IL34: variants seen among roughly 807,000 people sequenced by gnomAD.
IL34 encodes interleukin-34.
IL34 carries 17 observed loss-of-function variants against 25.3 expected under a neutral mutation model. The observed-to-expected ratio is 0.67, with a 90% CI of 0.46 to 1.01. The LOEUF (loss-of-function observed/expected upper bound fraction) is 1.01, where lower values mean the gene tolerates loss of function less well. Ranked by LOEUF, IL34 falls within the 50% of genes least tolerant of loss-of-function variation. The probability of loss-of-function intolerance (pLI) is 0.00; values close to 1 mark genes in which losing one functional copy is unlikely to be tolerated. For synonymous variants in IL34, 174 were observed against 140.9 expected (o/e 1.23, Z -1.66); for missense variants, 368 against 312.9 (o/e 1.18, Z -1.33).
Position 70,660,289 on chromosome 16 carries a change from G to C in IL34, c.*102G>C. 9.1e-7 allele frequency: 1 copy of C among 1,097,270 alleles called. No individual in the cohort carries two copies. Among genetic ancestry groups the C allele is most frequent in the Non-Finnish European group, 1.3e-6 (1 of 789,044 alleles). 68.0% of individuals were successfully genotyped at this position (1,097,270 alleles called of 1,614,324 possible). ...GGGGTGGTGGTGGGAGCCCCCCTTG[G>C]GAGAGGACCCCTGGGAAGGGTGTTT... On this transcript the variant is annotated 3_prime_UTR_variant, in exon 6 of 6. Coordinates refer to ENST00000288098, the MANE Select transcript of IL34 (RefSeq NM_001393494.1).
upstream of IL34, among the ~76,000 whole-genome samples, chr16:70,642,268 CAG>C (rs954764865): frequency 3.8e-4 from 57 of 148,188 alleles, no homozygotes; most frequent in Non-Finnish European, 6.4e-4. Flanking sequence ...AAGACAGAGA[CAG>C]AGAGAGTGAG....
At chr16:70,658,252 C>G (rs771879515) in intron 4 of IL34, among the ~76,000 whole-genome samples, 2 of 152,224 alleles carry the variant, frequency 1.3e-5, no homozygotes, top group Non-Finnish European at 2.9e-5. Flanking sequence ...TGGAACCAGA[C>G]TGGTGGGGAG....
At chr16:70,641,007 C>G (rs935652247) in intron 1 of IL34, among the ~76,000 whole-genome samples, 1 of 152,070 alleles carries the variant, frequency 6.6e-6, no homozygotes, top group African/African-American at 2.4e-5. Flanking sequence ...CGTGGTGGCT[C>G]ACACCTGTAA....
chr16:70,654,682 G>A lies in IL34; in HGVS notation c.162+11G>A. Reference sequence around the variant, plus strand: ...CGACTTCAGTACATGGTAACCACGTGGGCACCAGCTGTGTCCCTGTCCCCG... The same window carrying A: ...CGACTTCAGTACATGGTAACCACGTAGGCACCAGCTGTGTCCCTGTCCCCG... On this transcript the variant is annotated intron_variant, in intron 2 of 5. Coordinates refer to ENST00000288098, the MANE Select transcript of IL34 (RefSeq NM_001393494.1). 1 of 1,596,614 alleles carries A rather than the reference G, an allele frequency of 6.3e-7. No individual in the cohort carries two copies. Among genetic ancestry groups the A allele is most frequent in the Non-Finnish European group, 8.6e-7 (1 of 1,166,940 alleles).
At position 70,660,245 on chromosome 16, in the gene IL34, A is replaced by T; in HGVS notation, c.*58A>T. ...CCAGACCAGCTCCCACAGGAGTTCA[A>T]CTGGGTCTGAGACTTCAAGGGGTGG... On this transcript the variant is annotated 3_prime_UTR_variant, in exon 6 of 6. Transcript: ENST00000288098. The T allele has an allele frequency of 2.7e-6, 4 of 1,455,446 alleles. No individual in the cohort carries two copies. Among genetic ancestry groups the T allele is most frequent in the East Asian group, 2.4e-5 (1 of 42,400 alleles). 90.2% of individuals were successfully genotyped at this position (1,455,446 alleles called of 1,614,324 possible).
At chr16:70,642,106 C>T (rs914506228), upstream of IL34, among the ~76,000 whole-genome samples, 4 of 152,090 alleles carry the variant, frequency 2.6e-5, no homozygotes, top group Non-Finnish European at 4.4e-5. Flanking sequence ...TCTCACCATT[C>T]TCTGGGCTGG....
At chr16:70,587,752 A>G (rs994863480) in intron 1 of IL34, among the ~76,000 whole-genome samples, 2 of 151,996 alleles carry the variant, frequency 1.3e-5, no homozygotes, top group Non-Finnish European at 2.9e-5. Context: ...AGAAAGAAAG[A>G]AAATAGCCGG....
intron 1 of IL34, among the ~76,000 whole-genome samples, chr16:70,648,507 G>A (rs1277159949): frequency 1.9e-4 from 25 of 132,876 alleles, no homozygotes; most frequent in Non-Finnish European, 2.9e-4. Context: ...AGCAAGGATC[G>A]CATCACTGCA....
intron 1 of IL34, among the ~76,000 whole-genome samples, chr16:70,598,262 CCT>C (rs2050854602): frequency 6.6e-6 from 1 of 152,118 alleles, no homozygotes. Flanking sequence ...CCATTAGCGA[CCT>C]CTTAGAGGTC....
intron 1 of IL34, among the ~76,000 whole-genome samples, chr16:70,590,549 C>T (rs1203463545): frequency 2.6e-5 from 4 of 151,934 alleles, no homozygotes; most frequent in Non-Finnish European, 5.9e-5. Flanking sequence ...AGGGGGCAGC[C>T]GGGTGGGAAG....
At chr16:70,584,707 C>CT (rs201917245) in intron 1 of IL34, among the ~76,000 whole-genome samples, 11,522 of 147,362 alleles carry the variant, frequency 0.078, 973 homozygotes, top group East Asian at 0.2. Flanking sequence ...CTCTCTCTCT[C>CT]TTTTTTTTTT....
At chr16:70,648,289 C>T (rs1048289949) in intron 1 of IL34, among the ~76,000 whole-genome samples, 1 of 152,152 alleles carries the variant, frequency 6.6e-6, no homozygotes, top group African/African-American at 2.4e-5. Context: ...GGGCTGGTGG[C>T]TCACGCCCGT....
chr16:70,619,268 A>G (rs934816298), intron 1 of IL34, among the ~76,000 whole-genome samples: 1 of 152,128 alleles, frequency 6.6e-6, no homozygotes, highest in Non-Finnish European at 1.5e-5. Context: ...TAAGGGGTGC[A>G]TGATCGGTCG....
chr16:70,587,056 G>C (rs574010681), intron 1 of IL34, among the ~76,000 whole-genome samples: 16 of 152,306 alleles, frequency 1.1e-4, no homozygotes, highest in Admixed American at 3.9e-4. Context: ...GCTAGTGTCA[G>C]GGTCAAGTAG....
rs56205768 is a variant in IL34, at chr16:70,634,634, C to G, written c.-400-11914C>G. 6.6e-5 allele frequency among the ~76,000 whole-genome samples: 10 copies of G among 150,488 alleles called. No homozygotes were observed. The East Asian group carries it at 1.8e-3, about 26-fold the overall frequency. On this transcript the variant is annotated intron_variant, in intron 1 of 6. Coordinates refer to the IL34 transcript ENST00000429149. ...GGCGGAGGTTGCAGTGAGCCGAGATCGTGTCACTGAACTCCAGCCTGGGCG... is the reference window on the plus strand; with the variant it reads ...GGCGGAGGTTGCAGTGAGCCGAGATGGTGTCACTGAACTCCAGCCTGGGCG...
chr16:70,644,164 A>G (rs1354215779), upstream of IL34, among the ~76,000 whole-genome samples: 1 of 152,042 alleles, frequency 6.6e-6, no homozygotes, highest in Non-Finnish European at 1.5e-5. Flanking sequence ...TAGTAGAGAC[A>G]GGGTTTCACC....
chr16:70,619,233 G>C (rs1004303630), intron 1 of IL34, among the ~76,000 whole-genome samples: 24 of 152,134 alleles, frequency 1.6e-4, no homozygotes, highest in African/African-American at 5.3e-4. Flanking sequence ...AGTGGGGTAA[G>C]GGTGATTAGG....
chr16:70,659,969 C>CTTT, intron 5 of IL34, 28 bp from the exon 6 acceptor site: 1 of 1,373,480 alleles, frequency 7.3e-7, no homozygotes, highest in Non-Finnish European at 9.9e-7. Context: ...CTGCTGCAGT[C>CTTT]TTTTTTTTTT....
upstream of IL34, among the ~76,000 whole-genome samples, chr16:70,642,833 T>A (rs541088902): frequency 1.7e-4 from 26 of 152,166 alleles, no homozygotes; most frequent in Non-Finnish European, 3.2e-4. Context: ...CCGTATTGCA[T>A]AATCAATCCC....
Sources: gnomAD v4.1 joint callset for allele counts (sites outside exome capture counted in the v4.1 genomes callset) on GRCh38, gnomAD v4.1.1 for gene constraint, MANE v1.5 for transcripts, NCBI Gene and HGNC (gene_info 2026-07-23, HGNC 2026-07-21) for gene names.